LMNTD1: variants seen among roughly 807,000 people sequenced by gnomAD.
The protein encoded by LMNTD1 is lamin tail domain containing 1.
LMNTD1 carries 35 observed loss-of-function variants against 50.9 expected under a neutral mutation model. That is an observed-to-expected ratio of 0.69 (90% confidence interval 0.53 to 0.91). The LOEUF is 0.91. Ranked by LOEUF, LMNTD1 falls within the 40% of genes least tolerant of loss-of-function variation. The probability of loss-of-function intolerance (pLI) is 0.00; values close to 1 mark genes in which losing one functional copy is unlikely to be tolerated. For synonymous variants in LMNTD1, 153 were observed against 161.9 expected, an observed-to-expected ratio of 0.94 and a Z score of 0.42; for missense variants, 470 against 475.5, an observed-to-expected ratio of 0.99 and a Z score of 0.11.
intron 4 of LMNTD1, 41 bp from the exon 5 acceptor site, chr12:25,526,996 AG>A: frequency 4.8e-6 from 7 of 1,459,616 alleles, no homozygotes; most frequent in Non-Finnish European, 6.5e-6. Flanking sequence ...GCCTTCAGAT[AG>A]GAGTGTCTTT....
chr12:25,542,342 C>G (rs1461651324), intron 4 of LMNTD1, among the ~76,000 whole-genome samples: 1 of 150,332 alleles, frequency 6.7e-6, no homozygotes, highest in East Asian at 1.9e-4. Flanking sequence ...CAATGATAGA[C>G]TGGATTAAGA....
At chr12:25,546,589 A>G (rs278990) in intron 3 of LMNTD1, 35 bp from the exon 4 acceptor site, 1,126,112 of 1,349,530 alleles carry the variant, frequency 0.83, 472,306 homozygotes, top group East Asian at 0.92. Context: ...GTAACCAGGA[A>G]AGAAGTAAAT....
At chr12:25,647,656 T>C (rs577871527) in intron 1 of LMNTD1, among the ~76,000 whole-genome samples, 1 of 152,356 alleles carries the variant, frequency 6.6e-6, no homozygotes, top group East Asian at 1.9e-4. Context: ...GTTTCTAACA[T>C]TTACCAGTTG....
intron 4 of LMNTD1, among the ~76,000 whole-genome samples, chr12:25,532,130 G>C (rs1227016510): frequency 6.6e-6 from 1 of 152,026 alleles, no homozygotes; most frequent in Non-Finnish European, 1.5e-5. Context: ...CTTGGTGTTT[G>C]GTCAACTCTT....
At chr12:25,512,207 A>G (rs557229907) in intron 8 of LMNTD1, among the ~76,000 whole-genome samples, 66 of 152,340 alleles carry the variant, frequency 4.3e-4, no homozygotes, top group Middle Eastern at 3.4e-3. Context: ...TGAAATACAT[A>G]TTTGCAGCTA....
At chr12:25,506,139 A>G (rs1234099603) in intron 8 of LMNTD1, among the ~76,000 whole-genome samples, 1 of 152,224 alleles carries the variant, frequency 6.6e-6, no homozygotes, top group Non-Finnish European at 1.5e-5. Context: ...GTAAAATTCT[A>G]TAGATATGAT....
chr12:25,638,104 A>T (rs1172332007), intron 1 of LMNTD1, among the ~76,000 whole-genome samples: 1 of 152,068 alleles, frequency 6.6e-6, no homozygotes, highest in Non-Finnish European at 1.5e-5. Context: ...TCACCTCAAT[A>T]AAAAAACAGA....
chr12:25,611,626 G>T (rs1446778651), intron 1 of LMNTD1, among the ~76,000 whole-genome samples: 1 of 152,166 alleles, frequency 6.6e-6, no homozygotes, highest in African/African-American at 2.4e-5. Context: ...TAATGAGAAT[G>T]CTTCCAAAAT....
chr12:25,538,113 T>G, intron 4 of LMNTD1, among the ~76,000 whole-genome samples: 1 of 108,110 alleles, frequency 9.2e-6, no homozygotes, highest in Non-Finnish European at 2.1e-5. Context: ...TACCTGAAAG[T>G]GATGGGGAGA....
At chr12:25,620,370 T>C (rs1946444783) in intron 1 of LMNTD1, among the ~76,000 whole-genome samples, 1 of 152,116 alleles carries the variant, frequency 6.6e-6, no homozygotes, top group Non-Finnish European at 1.5e-5. Context: ...CTTACAAAAT[T>C]ATAAAATATA....
At chr12:25,576,671 T>C (rs570811554) in intron 1 of LMNTD1, among the ~76,000 whole-genome samples, 1 of 152,366 alleles carries the variant, frequency 6.6e-6, no homozygotes, top group African/African-American at 2.4e-5. Flanking sequence ...TAGTTTCTTT[T>C]GCTGTGCAGA....
intron 1 of LMNTD1, among the ~76,000 whole-genome samples, chr12:25,643,287 GA>G (rs1644682175): frequency 6.6e-6 from 1 of 152,116 alleles, no homozygotes; most frequent in Non-Finnish European, 1.5e-5. Context: ...GAAGGAGCAA[GA>G]CATGCAAAGA....
At chr12:25,535,292 T>TA (rs1310565785) in intron 4 of LMNTD1, among the ~76,000 whole-genome samples, 1 of 151,650 alleles carries the variant, frequency 6.6e-6, no homozygotes, top group Admixed American at 6.6e-5. Context: ...CATAAAAAGA[T>TA]AAAAAATAAC....
At chr12:25,508,066 T>C (rs936898172) in intron 8 of LMNTD1, among the ~76,000 whole-genome samples, 2 of 151,936 alleles carry the variant, frequency 1.3e-5, no homozygotes, top group Non-Finnish European at 1.5e-5. Context: ...AAGCTGTCCA[T>C]GCTCATTAAT....
chr12:25,514,419 C>A (rs1209286878), intron 8 of LMNTD1, among the ~76,000 whole-genome samples: 1 of 152,012 alleles, frequency 6.6e-6, no homozygotes, highest in Non-Finnish European at 1.5e-5. Flanking sequence ...TATAAACACA[C>A]AATGTTCTCA....
At chr12:25,516,081 G>T (rs1457508219) in intron 8 of LMNTD1, among the ~76,000 whole-genome samples, 1 of 152,104 alleles carries the variant, frequency 6.6e-6, no homozygotes, top group Non-Finnish European at 1.5e-5. Context: ...TCAAGGAGAT[G>T]AACTGGTAAT....
At chr12:25,546,316 C>A in intron 4 of LMNTD1, 58 bp downstream of exon 4, 1 of 1,072,704 alleles carries the variant, frequency 9.3e-7, no homozygotes, top group Admixed American at 2.8e-5. Context: ...TTGTTTTCTG[C>A]TGATTTATTG....
chr12:25,533,885 C>A (rs1380378778), intron 4 of LMNTD1, among the ~76,000 whole-genome samples: 3 of 152,166 alleles, frequency 2.0e-5, no homozygotes. Context: ...TAAACCAGAA[C>A]CATTCGTGTG....
intron 1 of LMNTD1, among the ~76,000 whole-genome samples, chr12:25,576,420 C>T (rs1335555742): frequency 2.0e-5 from 3 of 152,200 alleles, no homozygotes; most frequent in East Asian, 1.9e-4. Context: ...GTGGTTTTGA[C>T]TTGCATTTCT....
Sources: gnomAD v4.1 joint callset for allele counts (sites outside exome capture counted in the v4.1 genomes callset) on GRCh38, gnomAD v4.1.1 for gene constraint, MANE v1.5 for transcripts, NCBI Gene and HGNC (gene_info 2026-07-23, HGNC 2026-07-21) for gene names.